The following SPAG16 variants were observed in gnomAD, a reference collection of about 807,000 sequenced individuals.
The protein encoded by SPAG16 is sperm-associated antigen 16 protein.
A neutral mutation model predicts 80.4 loss-of-function variants in SPAG16; 86 were observed. The observed-to-expected ratio is 1.07, with a 90% confidence interval of 0.90 to 1.28. The LOEUF is 1.28. Ranked by LOEUF, SPAG16 falls within the 50% of genes most tolerant of loss-of-function variation. SPAG16 has a pLI of 0.00. For missense variants in SPAG16, 870 were observed against 765.3 expected (o/e 1.14, Z -1.61); for synonymous variants, 294 against 265.9 (o/e 1.11, Z -1.03).
intron 12 of SPAG16, among the ~76,000 whole-genome samples, chr2:213,981,582 G>A (rs1223519660): frequency 6.6e-6 from 1 of 152,028 alleles, no homozygotes; most frequent in Non-Finnish European, 1.5e-5. Context: ...TCATTAAAGA[G>A]ATTAATAGCA....
chr2:213,397,646 T>G (rs1049315652), intron 9 of SPAG16, among the ~76,000 whole-genome samples: 7 of 152,172 alleles, frequency 4.6e-5, no homozygotes, highest in Admixed American at 4.6e-4. Flanking sequence ...CCTCCAGTGA[T>G]CCACTTAACT....
Position 213,929,946 on chromosome 2 carries a change from G to A in SPAG16, c.1215-14G>A, listed in dbSNP as rs368474951. 3 of 1,597,990 alleles carry A rather than the reference G, an allele frequency of 1.9e-6. No individual in the cohort carries two copies. The highest frequency in any genetic ancestry group is 2.7e-5 in the African/African-American group (2 of 74,222). On this transcript the variant is annotated splice_polypyrimidine_tract_variant and intron_variant, in intron 11 of 15. Coordinates refer to ENST00000331683, the MANE Select transcript of SPAG16 (RefSeq NM_024532.5). ...CTTTTTAAACAAGCTGTCTTTTTAT[G>A]TTTTTGCAAATAGTGGCGACAAATT... is the stretch of plus-strand genomic sequence containing the variant.
At chr2:213,574,150 AT>A (rs1196508083) in intron 10 of SPAG16, among the ~76,000 whole-genome samples, 1 of 152,192 alleles carries the variant, frequency 6.6e-6, no homozygotes, top group Non-Finnish European at 1.5e-5. Flanking sequence ...CTTGTAGGTT[AT>A]ATGCTATCAC....
At chr2:213,305,112 T>C (rs905996258) in intron 3 of SPAG16, among the ~76,000 whole-genome samples, 1 of 152,154 alleles carries the variant, frequency 6.6e-6, no homozygotes, top group Admixed American at 6.6e-5. Context: ...AGTTAACTTC[T>C]AGGTATATTA....
At chr2:214,365,269 C>T (rs776752360) in intron 15 of SPAG16, among the ~76,000 whole-genome samples, 57 of 152,276 alleles carry the variant, frequency 3.7e-4, no homozygotes, top group Non-Finnish European at 5.0e-4. Context: ...AATATCAGCA[C>T]CTACTTAAAC....
At chr2:214,227,968 C>G (rs1016282829) in intron 15 of SPAG16, among the ~76,000 whole-genome samples, 1 of 151,804 alleles carries the variant, frequency 6.6e-6, no homozygotes, top group Admixed American at 6.6e-5. Context: ...CTCCCTGAGA[C>G]AGATGGTTAT....
At chr2:213,938,724 CAAAAT>C (rs2079085824) in intron 12 of SPAG16, among the ~76,000 whole-genome samples, 1 of 151,656 alleles carries the variant, frequency 6.6e-6, no homozygotes, top group Non-Finnish European at 1.5e-5. Context: ...GACATCAAAT[CAAAAT>C]AAAAGAAGTA....
intron 12 of SPAG16, among the ~76,000 whole-genome samples, chr2:213,966,395 A>G (rs1487363973): frequency 6.6e-6 from 1 of 152,224 alleles, no homozygotes; most frequent in Admixed American, 6.5e-5. Context: ...AAAAGTATAT[A>G]TCTCATAAAA....
intron 15 of SPAG16, among the ~76,000 whole-genome samples, chr2:214,206,600 TCAATATA>T (rs1490528683): frequency 6.6e-6 from 1 of 152,194 alleles, no homozygotes; most frequent in Non-Finnish European, 1.5e-5. Flanking sequence ...AGTCGTCTCT[TCAATATA>T]CATATTTCCC....
At chr2:213,786,274 G>A (rs1042184869) in intron 10 of SPAG16, among the ~76,000 whole-genome samples, 4 of 152,146 alleles carry the variant, frequency 2.6e-5, no homozygotes, top group Admixed American at 6.5e-5. Flanking sequence ...TGGGAGCTCC[G>A]TGGTAGAATT....
At chr2:214,210,111 G>C (rs1424021949) in intron 15 of SPAG16, among the ~76,000 whole-genome samples, 1 of 152,046 alleles carries the variant, frequency 6.6e-6, no homozygotes, top group East Asian at 1.9e-4. Flanking sequence ...TGAAACTCCA[G>C]GACAGGATTA....
At chr2:213,301,731 G>A (rs1480038824) in intron 3 of SPAG16, among the ~76,000 whole-genome samples, 1 of 152,040 alleles carries the variant, frequency 6.6e-6, no homozygotes, top group African/African-American at 2.4e-5. Context: ...AATTCCCAAT[G>A]TGTCTACCCT....
At chr2:213,463,006 A>G (rs2072469758) in intron 9 of SPAG16, among the ~76,000 whole-genome samples, 2 of 152,250 alleles carry the variant, frequency 1.3e-5, no homozygotes, top group Admixed American at 1.3e-4. Context: ...GATTTATTGA[A>G]TGGCTTTGAC....
At chr2:214,133,301 T>C (rs186679319) in intron 14 of SPAG16, among the ~76,000 whole-genome samples, 5 of 152,196 alleles carry the variant, frequency 3.3e-5, no homozygotes, top group African/African-American at 1.2e-4. Flanking sequence ...AAATCAAAGA[T>C]GTCTCTGGAC....
At chr2:213,525,619 C>CTTTATAAATTTATAAATT (rs1438516728) in intron 10 of SPAG16, among the ~76,000 whole-genome samples, 5 of 152,094 alleles carry the variant, frequency 3.3e-5, no homozygotes, top group Non-Finnish European at 7.4e-5. Flanking sequence ...ATTACCCAGT[C>CTTTATAAATTTATAAATT]TCAGGCATGT....
chr2:213,482,054 A>G (rs2073774965), intron 9 of SPAG16, among the ~76,000 whole-genome samples: 1 of 152,204 alleles, frequency 6.6e-6, no homozygotes, highest in Non-Finnish European at 1.5e-5. Context: ...CTTATCTAAA[A>G]CTTGAAATTT....
intron 10 of SPAG16, among the ~76,000 whole-genome samples, chr2:213,609,778 G>A (rs1253165873): frequency 2.0e-5 from 3 of 152,122 alleles, no homozygotes; most frequent in Non-Finnish European, 4.4e-5. Context: ...TCAGCAAATT[G>A]AGTTTTGATC....
At chr2:214,198,973 G>A (rs2057930369) in intron 15 of SPAG16, among the ~76,000 whole-genome samples, 1 of 151,854 alleles carries the variant, frequency 6.6e-6, no homozygotes, top group Non-Finnish European at 1.5e-5. Context: ...TTGCTGATTT[G>A]TTGAGTTCCT....
At chr2:214,266,520 C>T (rs566392883) in intron 15 of SPAG16, among the ~76,000 whole-genome samples, 43 of 151,808 alleles carry the variant, frequency 2.8e-4, no homozygotes, top group Middle Eastern at 3.4e-3. Context: ...AACATCGTAC[C>T]TATGGTGAAA....
Sources: allele counts gnomAD v4.1 joint callset (sites outside exome capture counted in the v4.1 genomes callset), GRCh38; gene constraint gnomAD v4.1.1; transcripts MANE v1.5; gene names NCBI Gene and HGNC (gene_info 2026-07-23, HGNC 2026-07-21).